The following ITGA5 variants were observed in gnomAD, a reference collection of about 807,000 sequenced individuals.
ITGA5 encodes the protein integrin subunit alpha 5, also known as integrin alpha-5.
In ITGA5, 55 loss-of-function variants were observed where a neutral mutation model predicts 146.3. That is an observed-to-expected ratio of 0.38 (90% CI 0.30 to 0.47). The LOEUF (loss-of-function observed/expected upper bound fraction) is 0.47. Ranked by LOEUF, ITGA5 falls within the 20% of genes least tolerant of loss-of-function variation. The probability of loss-of-function intolerance (pLI) is 0.99; values close to 1 mark genes in which losing one functional copy is unlikely to be tolerated. For synonymous variants in ITGA5, 500 were observed against 531.8 expected (o/e 0.94, Z 0.82); for missense variants, 1,131 against 1,329.0 (o/e 0.85, Z 2.32).
At chr12:54,402,370 A>G (rs1461089107) in intron 19 of ITGA5, 40 bp from the exon 20 acceptor site, 3 of 1,567,994 alleles carry the variant, frequency 1.9e-6, no homozygotes, top group Non-Finnish European at 2.6e-6. Context: ...TGGTGAATTA[A>G]TCCTCAAACC....
rs10876558 is a variant in ITGA5 at position 54,408,306 on chromosome 12, C to A, written c.692-71G>T. 0.083 allele frequency: 128,234 copies of A among 1,545,878 alleles called. 5,770 individuals are homozygous for A. Among genetic ancestry groups the A allele is most frequent in the Admixed American group, 0.13 (7,836 of 58,126 alleles). ...GGGGGCTTGGGACTCTGGGGGCTGA[C>A]TGGGTAGTATTTCAGAAGTCTGGTT... On this transcript the variant is annotated intron_variant, in intron 6 of 29. Transcript: ENST00000293379.
At chr12:54,407,448 G>T in intron 9 of ITGA5, 1 of 622,056 alleles carries the variant, frequency 1.6e-6, no homozygotes. Flanking sequence ...GAAGAAGAAG[G>T]CTCAGAGAGG....
Position 54,404,695 on chromosome 12 carries a change from C to T in ITGA5, c.1417+8G>A. 6.2e-7 allele frequency: 1 copy of T among 1,612,234 alleles called. No homozygotes were observed. The highest frequency in any genetic ancestry group is 8.5e-7 in the Non-Finnish European group (1 of 1,178,540). On this transcript the variant is annotated splice_region_variant and intron_variant, in intron 13 of 29. Coordinates refer to ENST00000293379, the MANE Select transcript of ITGA5 (RefSeq NM_002205.5). ...TTAAGGTGAAAAGGGGCCTCAGGCA[C>T]AACTCACCAGGATATCCATTGCCAT...
chr12:54,399,910 C>G lies in ITGA5; in HGVS notation c.2681G>C (p.Arg894Pro), dbSNP rs1318717182. ...AGCAGAGCTGCGGCTTGGAGCTTCC[C>G]GTTTTTGCTGGTGGTGCAGGGAACC... is the stretch of plus-strand genomic sequence containing the variant. ...PEGSLHHQQK[R>P]EAPSRSSASS... The change falls in exon 26 of 30, where the codon CGG becomes CCG. Residue 894 changes from arginine to proline, a missense_variant. Physicochemically the swap from Arg to Pro is moderately radical, Grantham distance 103. Around this residue, in one of 3 missense-constraint regions of ITGA5, gnomAD observed 889 missense variants for 1,021.5 expected, o/e 0.87. Coordinates refer to ENST00000293379, the MANE Select transcript of ITGA5 (RefSeq NM_002205.5). 6.2e-7 allele frequency: 1 copy of G among 1,614,136 alleles called. No individual in the cohort carries two copies. Among genetic ancestry groups the G allele is most frequent in the East Asian group, 2.2e-5 (1 of 44,886 alleles).
rs1260751942 is a variant in ITGA5, at chr12:54,404,642, G to A, written c.1417+61C>T. The A allele has an allele frequency of 3.3e-6, 5 of 1,522,468 alleles. No homozygotes were observed. The Admixed American group carries it at 5.0e-5, about 15-fold the overall frequency. The allele number at this position is 1,522,468 out of a possible 1,614,324, so 94.3% of individuals were successfully genotyped here. ...GGAACTTAAGGAAAGGTGCAGAAGA[G>A]AGAGTAGGGGTCAGTGACCAGGGAA... On this transcript the variant is annotated intron_variant, in intron 13 of 29. Coordinates refer to ENST00000293379, the MANE Select transcript of ITGA5 (RefSeq NM_002205.5).
Position 54,406,211 on chromosome 12 carries a change from G to A in ITGA5, c.907-285C>T, listed in dbSNP as rs1955864725. ...ACCCACTAGAATGTAAGATCAATAG[G>A]GGCAGGAACTTGATTTTGTTCTTTG... On this transcript the variant is annotated intron_variant, in intron 9 of 29. Transcript: ENST00000293379. The A allele has an allele frequency of 3.0e-5, 15 of 497,182 alleles. No individual in the cohort carries two copies. In the South Asian group the frequency reaches 3.9e-4, roughly 13 times the overall value. 30.8% of individuals were successfully genotyped at this position (497,182 alleles called of 1,614,324 possible).
At chr12:54,406,046 C>T (rs1592288960) in intron 9 of ITGA5, 120 bp from the exon 10 acceptor site, 1 of 831,158 alleles carries the variant, frequency 1.2e-6, no homozygotes. Flanking sequence ...ACCACTGTCC[C>T]TAGCTCCCTC....
intron 9 of ITGA5, among the ~76,000 whole-genome samples, chr12:54,406,566 T>C (rs1333036125): frequency 6.6e-6 from 1 of 152,218 alleles, no homozygotes; most frequent in Non-Finnish European, 1.5e-5. Flanking sequence ...GCCCAAAGTC[T>C]CAACTTCTTG....
intron 25 of ITGA5, 63 bp downstream of exon 25, chr12:54,400,783 A>ACC: frequency 6.4e-7 from 1 of 1,552,140 alleles, no homozygotes; most frequent in Non-Finnish European, 8.8e-7. Flanking sequence ...AACCTTCCCC[A>ACC]ACCCCTCAGC....
chr12:54,410,284 C>A (rs1007297290), intron 2 of ITGA5, among the ~76,000 whole-genome samples: 4 of 151,724 alleles, frequency 2.6e-5, no homozygotes, highest in Non-Finnish European at 4.4e-5. Context: ...AGAGAGTAAC[C>A]CTTTGGCTGC....
At position 54,401,955 on chromosome 12, in the gene ITGA5, C is replaced by T; in HGVS notation, c.2226+46G>A. Reference sequence around the variant, plus strand: ...CTCTCGGCTGGCTGGTTACCGCCCTCAGGTCTGCTCTCCCTCTGTCCCATC... The same window carrying T: ...CTCTCGGCTGGCTGGTTACCGCCCTTAGGTCTGCTCTCCCTCTGTCCCATC... On this transcript the variant is annotated intron_variant, in intron 21 of 29. Coordinates refer to ENST00000293379, the MANE Select transcript of ITGA5 (RefSeq NM_002205.5). This position sits in a 1 kb window ranked among gnomAD's most constrained non-coding sequence, Gnocchi z 5.0. The T allele has an allele frequency of 5.6e-6, 9 of 1,605,496 alleles. No individual in the cohort carries two copies. Among genetic ancestry groups the T allele is most frequent in the Non-Finnish European group, 6.0e-6 (7 of 1,172,284 alleles).
rs775877636 is a variant in ITGA5 at position 54,397,454 on chromosome 12, C to T, written c.2977G>A (p.Gly993Ser). 6.2e-7 allele frequency: 1 copy of T among 1,614,072 alleles called. No homozygotes were observed. The highest frequency in any genetic ancestry group is 8.5e-7 in the Non-Finnish European group (1 of 1,180,038). The change falls in exon 29 of 30, where the codon GGC (glycine) becomes AGC (serine). Residue 993 changes from glycine to serine, a missense_variant. By Grantham distance (56) the Gly-to-Ser change is moderately conservative. Transcript: ENST00000293379. ...ATAVQWTKAEGSYGVPLWIII... is the reference protein window; with the variant it reads ...ATAVQWTKAESSYGVPLWIII... ...ATCCACAGTGGGACGCCATAGCTGC[C>T]TTCTGCCTTGGTCCATTGCACAGCT...
intron 9 of ITGA5, 90 bp from the exon 10 acceptor site, chr12:54,406,016 G>C (rs1284837119): frequency 8.4e-7 from 1 of 1,186,886 alleles, no homozygotes; most frequent in Non-Finnish European, 1.3e-6. Context: ...CCCAGGGGCA[G>C]GCATTCCTTA....
At chr12:54,398,446 CTCTGTCTCTGGCA>C in intron 28 of ITGA5, 138 bp downstream of exon 28, 1 of 585,626 alleles carries the variant, frequency 1.7e-6, no homozygotes, top group Non-Finnish European at 3.0e-6. Flanking sequence ...TTGCTTACCA[CTCTGTCTCTGGCA>C]TCTGCACAGT....
chr12:54,410,869 G>A (rs1237324697), intron 2 of ITGA5, among the ~76,000 whole-genome samples: 1 of 152,132 alleles, frequency 6.6e-6, no homozygotes, highest in Non-Finnish European at 1.5e-5. Context: ...TGGGATTACA[G>A]GCAAGTGCCA....
Position 54,402,945 on chromosome 12 carries a change from C to T in ITGA5, c.1982+38G>A, listed in dbSNP as rs372183272. On this transcript the variant is annotated intron_variant, in intron 19 of 29. Transcript: ENST00000293379. ...AGCTGATTTTTTCAGGTGCCAGGTG[C>T]ACCTGGAGCTCCCTAGCTTACCGTC... 1.2e-5 allele frequency: 19 copies of T among 1,582,272 alleles called. No individual in the cohort carries two copies. The Admixed American group carries it at 3.0e-4, about 25-fold the overall frequency.
chr12:54,414,016 A>C (rs1415294147), intron 1 of ITGA5, among the ~76,000 whole-genome samples: 1 of 152,170 alleles, frequency 6.6e-6, no homozygotes, highest in Non-Finnish European at 1.5e-5. Flanking sequence ...CAAGACAGAG[A>C]GTTTACAAAG....
Position 54,409,144 on chromosome 12 carries a change from T to G in ITGA5, c.583+88A>C. The G allele has an allele frequency of 6.5e-7, 1 of 1,532,342 alleles. No individual in the cohort carries two copies. Among genetic ancestry groups the G allele is most frequent in the Non-Finnish European group, 8.8e-7 (1 of 1,132,448 alleles). The allele number at this position is 1,532,342 out of a possible 1,614,324, so 94.9% of individuals were successfully genotyped here. ...CAACCTAGAACCTCATGGGGGCACA[T>G]GGTAGGTGCGAGTCAACCCTAAGTA... On this transcript the variant is annotated intron_variant, in intron 4 of 29. Transcript: ENST00000293379. The surrounding 1 kb of genome is among the most constrained non-coding windows in gnomAD (Gnocchi z 4.7).
rs747325520 is a variant in ITGA5, at chr12:54,405,293, G to A, written c.1098C>T (p.Tyr366=). 5 of 1,613,542 alleles carry A rather than the reference G, an allele frequency of 3.1e-6. No individual in the cohort carries two copies. Among genetic ancestry groups the A allele is most frequent in the African/African-American group, 2.7e-5 (2 of 74,906 alleles). ...DGRPQEVGRV[Y]VYLQHPAGIE... ...TGCCGGCTGGGTGCTGCAGGTAGAC[G>A]TAGACCCTGCCCACCTCCTGAGGCC... The change falls in exon 12 of 30, where the codon TAC becomes TAT. Residue 366 remains tyrosine, a synonymous_variant. Coordinates refer to ENST00000293379, the MANE Select transcript of ITGA5 (RefSeq NM_002205.5).
Sources: allele counts gnomAD v4.1 joint callset (sites outside exome capture counted in the v4.1 genomes callset), GRCh38; gene constraint gnomAD v4.1.1; regional missense constraint gnomAD v4.1.1; non-coding constraint Gnocchi (gnomAD v3.1); transcripts MANE v1.5; gene names NCBI Gene and HGNC (gene_info 2026-07-23, HGNC 2026-07-21).